Variants in TRAPPC9 observed in about 807,000 individuals in gnomAD.
TRAPPC9 encodes trafficking protein particle complex subunit 9, also known as IKK2 binding protein.
In TRAPPC9, 83 loss-of-function variants were observed where a neutral mutation model predicts 124.0. That is an observed-to-expected ratio of 0.67 (90% CI 0.56 to 0.80). The LOEUF (loss-of-function observed/expected upper bound fraction) is 0.80, where lower values mean the gene tolerates loss of function less well. TRAPPC9 is among the 30% of genes least tolerant of loss of function. The pLI, the probability that TRAPPC9 is intolerant of heterozygous loss-of-function variation, is 0.00. For synonymous variants in TRAPPC9, 638 were observed against 617.5 expected (o/e 1.03, Z -0.49); for missense variants, 1,302 against 1,508.3 (o/e 0.86, Z 2.27).
chr8:139,751,950 C>A (rs761833508), intron 21 of TRAPPC9, among the ~76,000 whole-genome samples: 1 of 150,984 alleles, frequency 6.6e-6, no homozygotes, highest in Non-Finnish European at 1.5e-5. Context: ...CACCATCCAT[C>A]CAGCATCCAC....
intron 20 of TRAPPC9, among the ~76,000 whole-genome samples, chr8:139,905,153 T>C (rs760555002): frequency 2.0e-5 from 3 of 152,086 alleles, no homozygotes; most frequent in African/African-American, 4.8e-5. Context: ...AGATGCTGCA[T>C]GTACTAGGAA....
chr8:140,187,643 T>C (rs557124348), intron 17 of TRAPPC9, among the ~76,000 whole-genome samples: 4 of 152,192 alleles, frequency 2.6e-5, no homozygotes, highest in Non-Finnish European at 5.9e-5. Flanking sequence ...AACAAAAAGA[T>C]ACCAACTTCT....
intron 9 of TRAPPC9, among the ~76,000 whole-genome samples, chr8:140,358,512 T>A (rs1166235421): frequency 1.3e-5 from 2 of 152,098 alleles, no homozygotes; most frequent in African/African-American, 4.8e-5. Context: ...CGGCCAGAAT[T>A]AGTGCATTTA....
chr8:140,306,978 C>A (rs1206834256), intron 10 of TRAPPC9, among the ~76,000 whole-genome samples: 2 of 152,202 alleles, frequency 1.3e-5, no homozygotes, highest in Non-Finnish European at 2.9e-5. Flanking sequence ...CCACTTGCCT[C>A]TTCTCCTGTG....
chr8:140,249,319 TG>T (rs2064068722), intron 16 of TRAPPC9, among the ~76,000 whole-genome samples: 2 of 152,198 alleles, frequency 1.3e-5, no homozygotes, highest in Admixed American at 1.3e-4. Context: ...TTTAGGATAA[TG>T]GCTTCCAGAT....
At chr8:140,297,201 C>A (rs1022911987) in intron 11 of TRAPPC9, among the ~76,000 whole-genome samples, 1 of 152,236 alleles carries the variant, frequency 6.6e-6, no homozygotes, top group Non-Finnish European at 1.5e-5. Context: ...CCTACACTTC[C>A]TGTCACCTCA....
rs71520259 is a variant in TRAPPC9 at position 140,179,993 on chromosome 8, ATTTT to A, written c.2556+41462_2556+41465del. On this transcript the variant is annotated intron_variant, in intron 17 of 22. Transcript: ENST00000438773. The stretch of plus-strand genomic sequence containing the variant: ...ATAAACAATTTATAGTTATATCTTG[ATTTT>A]TTTTTTTTTTTTTTTTTGGCCAGTA... Among the ~76,000 whole-genome samples, 482 of 90,050 alleles carry A rather than the reference ATTTT, an allele frequency of 5.4e-3. 1 individual carries two copies. The highest frequency in any genetic ancestry group is 0.017 in the African/African-American group (418 of 24,410). 59.1% of individuals were successfully genotyped at this position (90,050 alleles called of 152,430 possible).
Position 140,287,590 on chromosome 8 carries a change from T to C in TRAPPC9, c.1981+18A>G, listed in dbSNP as rs912523870. 2.5e-6 allele frequency: 4 copies of C among 1,613,922 alleles called. No homozygotes were observed. The highest frequency in any genetic ancestry group is 4.5e-5 in the East Asian group (2 of 44,874). On this transcript the variant is annotated intron_variant, in intron 13 of 22. Transcript: ENST00000438773. ...AGCAGACCCTCCTGAGCAGGAAGCA[T>C]GAAGGGACTCTCCTTACCGTTCACA...
rs1225503236 is a variant in TRAPPC9, at chr8:139,962,429, C to CT, written c.2810+26296dup. Among the ~76,000 whole-genome samples the CT allele has an allele frequency of 1.6e-5, 2 of 125,368 alleles. 1 individual carries two copies. Among genetic ancestry groups the CT allele is most frequent in the African/African-American group, 5.1e-5 (2 of 39,474 alleles). The allele number at this position is 125,368 out of a possible 152,430, so 82.2% of individuals were successfully genotyped here. A position where few individuals can be genotyped will look rare whatever the true frequency, so the allele number is the denominator to read the frequency against. Reference sequence around the variant, plus strand: ...TGTAAGAACACAAGTTGTATGTTCTCTTTTTTTCATTCATCCATTCATTCA... The same window carrying CT: ...TGTAAGAACACAAGTTGTATGTTCTCTTTTTTTTCATTCATCCATTCATTCA... On this transcript the variant is annotated intron_variant, in intron 19 of 22. Coordinates refer to ENST00000438773, the MANE Select transcript of TRAPPC9 (RefSeq NM_001160372.4).
chr8:140,285,640 A>G (rs1166799101), intron 13 of TRAPPC9, among the ~76,000 whole-genome samples: 1 of 150,668 alleles, frequency 6.6e-6, no homozygotes, highest in East Asian at 2.0e-4. Flanking sequence ...AGGTCCCCCA[A>G]ATGTACCATG....
chr8:140,401,119 C>T (rs1020001151), intron 6 of TRAPPC9, among the ~76,000 whole-genome samples: 1 of 152,160 alleles, frequency 6.6e-6, no homozygotes, highest in Non-Finnish European at 1.5e-5. Flanking sequence ...TGCATATAAT[C>T]GACAAGCCTT....
intron 17 of TRAPPC9, among the ~76,000 whole-genome samples, chr8:140,219,471 G>A (rs1048699805): frequency 5.3e-5 from 8 of 152,318 alleles, no homozygotes; most frequent in African/African-American, 1.9e-4. Context: ...CCAGGTGTCT[G>A]AGGGACCTCA....
At chr8:140,352,632 G>GAACAC (rs2067622713) in intron 9 of TRAPPC9, among the ~76,000 whole-genome samples, 1 of 152,132 alleles carries the variant, frequency 6.6e-6, no homozygotes, top group Non-Finnish European at 1.5e-5. Flanking sequence ...CCTGCCTGAA[G>GAACAC]AACACCTCTG....
chr8:140,210,354 G>T (rs2063029062), intron 17 of TRAPPC9, among the ~76,000 whole-genome samples: 1 of 152,252 alleles, frequency 6.6e-6, no homozygotes, highest in Non-Finnish European at 1.5e-5. Flanking sequence ...CAATGCAGAG[G>T]AAACTCCAGG....
chr8:139,846,748 C>G (rs910898648), intron 21 of TRAPPC9, among the ~76,000 whole-genome samples: 35 of 152,328 alleles, frequency 2.3e-4, no homozygotes, highest in African/African-American at 8.2e-4. Context: ...CCATTCCCAT[C>G]CTCCCTCATC....
chr8:139,890,184 G>A (rs892752375), intron 20 of TRAPPC9, among the ~76,000 whole-genome samples: 5 of 152,258 alleles, frequency 3.3e-5, no homozygotes, highest in African/African-American at 1.2e-4. Flanking sequence ...CAGTGGGTTT[G>A]GATGTCCGGG....
intron 9 of TRAPPC9, among the ~76,000 whole-genome samples, chr8:140,349,618 G>C (rs1177434284): frequency 4.6e-5 from 7 of 152,172 alleles, no homozygotes; most frequent in Admixed American, 4.6e-4. Flanking sequence ...GGGAGAGAGG[G>C]AGGCGGCAGG....
intron 19 of TRAPPC9, among the ~76,000 whole-genome samples, chr8:139,981,064 T>C (rs574715065): frequency 3.9e-5 from 6 of 152,344 alleles, no homozygotes; most frequent in South Asian, 4.1e-4. Flanking sequence ...TTCCCCAGCA[T>C]TGAATTTCTC....
At chr8:139,857,923 C>T (rs1439269288) in intron 21 of TRAPPC9, among the ~76,000 whole-genome samples, 1 of 152,222 alleles carries the variant, frequency 6.6e-6, no homozygotes, top group East Asian at 1.9e-4. Flanking sequence ...TCCCAACCAT[C>T]GAGCCATCAG....
Sources: allele counts gnomAD v4.1 joint callset (sites outside exome capture counted in the v4.1 genomes callset), GRCh38; gene constraint gnomAD v4.1.1; transcripts MANE v1.5; gene names NCBI Gene and HGNC (gene_info 2026-07-23, HGNC 2026-07-21).